The following GOLGA4 variants were observed in gnomAD, a reference collection of about 807,000 sequenced individuals.
GOLGA4 encodes the protein golgin A4, also known as golgin subfamily A member 4.
GOLGA4 carries 169 observed loss-of-function variants against 265.9 expected under a neutral mutation model. The observed-to-expected ratio is 0.64, with a 90% CI of 0.56 to 0.72. The LOEUF is 0.72. Ranked by LOEUF, GOLGA4 falls within the 30% of genes least tolerant of loss-of-function variation. GOLGA4 has a pLI of 0.00. For missense variants in GOLGA4, 2,482 were observed against 2,483.4 expected, an observed-to-expected ratio of 1.00 and a Z score of 0.01; for synonymous variants, 923 against 855.8, an observed-to-expected ratio of 1.08 and a Z score of -1.37.
At chr3:37,298,511 C>T (rs1037827608) in intron 7 of GOLGA4, among the ~76,000 whole-genome samples, 1 of 152,148 alleles carries the variant, frequency 6.6e-6, no homozygotes, top group African/African-American at 2.4e-5. Context: ...ATCTTGTAGC[C>T]TTCAGCTGCA....
rs1365953483 is a variant in GOLGA4 at position 37,298,089 on chromosome 3, A to G, written c.815-744A>G. On this transcript the variant is annotated intron_variant, in intron 7 of 23. Transcript: ENST00000361924. ...ACAGACTGTTCCTGGAAGTGTCCTTATATTTGTAACCGCCCAAAGGGTTCA... is the reference window on the plus strand; with the variant it reads ...ACAGACTGTTCCTGGAAGTGTCCTTGTATTTGTAACCGCCCAAAGGGTTCA... Among the ~76,000 whole-genome samples, 3 of 152,086 alleles carry G rather than the reference A, an allele frequency of 2.0e-5. No individual in the cohort carries two copies. The South Asian group carries it at 6.2e-4, about 32-fold the overall frequency.
chr3:37,333,525 A>G (rs957607407), intron 16 of GOLGA4, among the ~76,000 whole-genome samples: 2 of 152,228 alleles, frequency 1.3e-5, no homozygotes, highest in African/African-American at 4.8e-5. Flanking sequence ...CAGATGTCAA[A>G]GGAAATGTCA....
intron 20 of GOLGA4, among the ~76,000 whole-genome samples, chr3:37,343,455 A>G (rs1424492750): frequency 1.3e-5 from 2 of 151,662 alleles, no homozygotes; most frequent in East Asian, 3.9e-4. Context: ...GAACTCAGGT[A>G]TCTGCCCACC....
Position 37,325,828 on chromosome 3 carries a change from A to C in GOLGA4, c.3942A>C (p.Glu1314Asp). ...TTAAGAGCATGAAGGCTGATATTGA[A>C]AGTCTTGTAACAGAAAAAGAAGCCT... ...NQIKSMKADI[E>D]SLVTEKEALQ... Residue 1314 changes from glutamate to aspartate, a missense_variant, in exon 14 of 24, where the codon GAA becomes GAC. Around this residue, in one of 3 missense-constraint regions of GOLGA4, gnomAD observed 1,536 missense variants for 1,483.7 expected, o/e 1.04. Coordinates refer to ENST00000361924, the MANE Select transcript of GOLGA4 (RefSeq NM_002078.5). 1.2e-6 allele frequency: 2 copies of C among 1,613,340 alleles called. No individual in the cohort carries two copies. The highest frequency in any genetic ancestry group is 1.7e-6 in the Non-Finnish European group (2 of 1,179,442).
chr3:37,355,085 C>G lies in GOLGA4; in HGVS notation c.6577-16C>G. On this transcript the variant is annotated splice_polypyrimidine_tract_variant and intron_variant, in intron 21 of 23. Coordinates refer to ENST00000361924, the MANE Select transcript of GOLGA4 (RefSeq NM_002078.5). ...CTTCACTGTCTGTTAGTGATCATCTCTTGTTTTTCTTGTAGACCATGGCAA... is the reference window on the plus strand; with the variant it reads ...CTTCACTGTCTGTTAGTGATCATCTGTTGTTTTTCTTGTAGACCATGGCAA... 6.9e-7 allele frequency: 1 copy of G among 1,449,458 alleles called. No homozygotes were observed. The highest frequency in any genetic ancestry group is 9.7e-7 in the Non-Finnish European group (1 of 1,030,622). 89.8% of individuals were successfully genotyped at this position (1,449,458 alleles called of 1,614,324 possible). A position where few individuals can be genotyped will look rare whatever the true frequency, so the allele number is the denominator to read the frequency against.
At chr3:37,357,353 T>C (rs1287287228) in intron 22 of GOLGA4, among the ~76,000 whole-genome samples, 2 of 152,146 alleles carry the variant, frequency 1.3e-5, no homozygotes, top group Non-Finnish European at 2.9e-5. Context: ...ATGGGAAATA[T>C]AGGAAAATAG....
At chr3:37,314,153 GT>G (rs1331044755) in intron 10 of GOLGA4, among the ~76,000 whole-genome samples, 2 of 151,894 alleles carry the variant, frequency 1.3e-5, no homozygotes, top group East Asian at 3.9e-4. Context: ...TAGAGATGGG[GT>G]TTCACCATGT....
chr3:37,271,897 G>A (rs909538448), intron 2 of GOLGA4, among the ~76,000 whole-genome samples: 3 of 152,188 alleles, frequency 2.0e-5, no homozygotes, highest in Non-Finnish European at 4.4e-5. Context: ...TGTTAGATCA[G>A]TGGTGACATT....
chr3:37,326,257 A>G lies in GOLGA4; in HGVS notation c.4371A>G (p.Gln1457=). Reference sequence around the variant, plus strand: ...CACAGTCAAGATTTACACAGCATCAAAACACTGTTAAAGAATTGCAGATCC... The same window carrying G: ...CACAGTCAAGATTTACACAGCATCAGAACACTGTTAAAGAATTGCAGATCC... The part of the protein sequence containing the change: ...KKAQSRFTQH[Q]NTVKELQIQL... Residue 1457 remains glutamine (Q), a synonymous_variant, in exon 14 of 24, where the codon CAA becomes CAG. Coordinates refer to ENST00000361924, the MANE Select transcript of GOLGA4 (RefSeq NM_002078.5). 6.2e-7 allele frequency: 1 copy of G among 1,613,688 alleles called. No homozygotes were observed. Among genetic ancestry groups the G allele is most frequent in the Non-Finnish European group, 8.5e-7 (1 of 1,179,670 alleles).
chr3:37,345,765 G>C (rs1197895701), intron 20 of GOLGA4, among the ~76,000 whole-genome samples: 2 of 152,062 alleles, frequency 1.3e-5, no homozygotes. Context: ...TGACCAACAT[G>C]GTGGAACCCT....
intron 2 of GOLGA4, among the ~76,000 whole-genome samples, chr3:37,268,663 C>A (rs1347161602): frequency 6.6e-6 from 1 of 152,084 alleles, no homozygotes; most frequent in Non-Finnish European, 1.5e-5. Flanking sequence ...CCTCTACCTC[C>A]TAAGCTCAGG....
chr3:37,282,710 A>C (rs576230153), intron 3 of GOLGA4, among the ~76,000 whole-genome samples: 11 of 152,292 alleles, frequency 7.2e-5, no homozygotes, highest in Middle Eastern at 3.4e-3. Context: ...AGGTAGCCTG[A>C]TTATTTGACA....
intron 10 of GOLGA4, among the ~76,000 whole-genome samples, chr3:37,303,771 T>G (rs1192067334): frequency 6.6e-6 from 1 of 152,226 alleles, no homozygotes; most frequent in East Asian, 1.9e-4. Context: ...CTGACGCTTA[T>G]TTAGCACTTG....
chr3:37,243,671 C>A (rs766471639), intron 1 of GOLGA4, 49 bp downstream of exon 1: 6 of 1,476,448 alleles, frequency 4.1e-6, no homozygotes, highest in Non-Finnish European at 5.7e-6. Flanking sequence ...CCTCTTGAAC[C>A]GGCCCGCGGA....
intron 11 of GOLGA4, among the ~76,000 whole-genome samples, chr3:37,318,617 A>G (rs2096944648): frequency 6.6e-6 from 1 of 151,818 alleles, no homozygotes; most frequent in Admixed American, 6.6e-5. Flanking sequence ...TGACATTTTT[A>G]TGAGATTGAG....
chr3:37,355,219 A>T, intron 22 of GOLGA4, 32 bp downstream of exon 22: 1 of 1,063,218 alleles, frequency 9.4e-7, no homozygotes, highest in South Asian at 1.3e-5. Flanking sequence ...TAGATAGAAG[A>T]TGATTTCCCA....
At chr3:37,300,845 G>A (rs1204061149) in intron 9 of GOLGA4, among the ~76,000 whole-genome samples, 1 of 151,778 alleles carries the variant, frequency 6.6e-6, no homozygotes, top group Non-Finnish European at 1.5e-5. Context: ...TATATTTTTT[G>A]CTCTTTTATG....
chr3:37,295,767 G>A lies in GOLGA4; in HGVS notation c.682-320G>A, dbSNP rs548685217. ...ACCAACTGGATCAGAAATATTTAGG[G>A]GGTGAAAACCATGTGTAGTGAACAT... On this transcript the variant is annotated intron_variant, in intron 6 of 23. Transcript: ENST00000361924. Among the ~76,000 whole-genome samples, 54 of 152,246 alleles carry A rather than the reference G, an allele frequency of 3.5e-4. No individual in the cohort carries two copies. The South Asian group carries it at 0.011, about 32-fold the overall frequency.
At position 37,282,245 on chromosome 3, in the gene GOLGA4, A is replaced by C. The variant is rs2096836805; in HGVS notation, c.450A>C (p.Leu150Phe). Residue 150 changes from leucine to phenylalanine, a missense_variant, in exon 3 of 24, where the codon TTA (leucine) becomes TTC (phenylalanine). Physicochemically the swap from Leu to Phe is conservative, Grantham distance 22. This residue lies in a region of GOLGA4 where 1,536 missense variants were observed against 1,483.7 expected (regional missense o/e 1.04). Coordinates refer to ENST00000361924, the MANE Select transcript of GOLGA4 (RefSeq NM_002078.5). ...IQRLRRMERSLSSYRGKYSEL... is the reference protein window; with the variant it reads ...IQRLRRMERSFSSYRGKYSEL... Reference sequence around the variant, plus strand: ...GGTTGCGAAGAATGGAACGAAGCTTAAGTAGCTACAGGGGAAAATATTCTG... The same window carrying C: ...GGTTGCGAAGAATGGAACGAAGCTTCAGTAGCTACAGGGGAAAATATTCTG... 6.2e-7 allele frequency: 1 copy of C among 1,613,974 alleles called. No homozygotes were observed.
Sources: gnomAD v4.1 joint callset for allele counts (sites outside exome capture counted in the v4.1 genomes callset) on GRCh38, gnomAD v4.1.1 for gene constraint, gnomAD v4.1.1 regional missense constraint, MANE v1.5 for transcripts, NCBI Gene and HGNC (gene_info 2026-07-23, HGNC 2026-07-21) for gene names.